Variants in RBBP8NL observed in about 807,000 individuals in gnomAD.
RBBP8NL encodes the protein RBBP8 N-terminal-like protein.
RBBP8NL carries 59 observed loss-of-function variants against 62.2 expected under a neutral mutation model. The observed-to-expected ratio is 0.95, with a 90% CI of 0.77 to 1.18. The LOEUF is 1.18. Ranked by LOEUF, RBBP8NL falls within the 50% of genes most tolerant of loss-of-function variation. The probability of loss-of-function intolerance (pLI) is 0.00; values close to 1 mark genes in which losing one functional copy is unlikely to be tolerated. For synonymous variants in RBBP8NL, 412 were observed against 394.1 expected, an observed-to-expected ratio of 1.05 and a Z score of -0.54; for missense variants, 896 against 899.5, an observed-to-expected ratio of 1.00 and a Z score of 0.05.
At position 62,413,433 on chromosome 20, in the gene RBBP8NL, TG is replaced by T; in HGVS notation, c.1642del (p.His548ThrfsTer19). ...LPPPHPQPPPHPQPPDLDGHP... is the reference protein window; with the variant it reads ...LPPPHPQPPPXPQPPDLDGHP... The stretch of plus-strand genomic sequence containing the variant: ...GCCGTCCAGGTCAGGCGGCTGTGGG[TG>T]GGGAGGCGGCTGTGGGTGGGGAGGT... On this transcript the variant is annotated frameshift_variant, in exon 11 of 14. Transcript: ENST00000252998. LOFTEE classifies it high-confidence loss of function. 1 of 1,458,178 alleles carries T rather than the reference TG, an allele frequency of 6.9e-7. No homozygotes were observed. Among genetic ancestry groups the T allele is most frequent in the South Asian group, 1.6e-5 (1 of 64,006 alleles). 90.3% of individuals were successfully genotyped at this position (1,458,178 alleles called of 1,614,324 possible).
chr20:62,413,293 A>C, intron 11 of RBBP8NL, 108 bp downstream of exon 11: 2 of 1,297,916 alleles, frequency 1.5e-6, no homozygotes, highest in Non-Finnish European at 2.0e-6. Context: ...TCGGCAGGGC[A>C]GAGCTGGGCC....
Position 62,413,995 on chromosome 20 carries a change from G to A in RBBP8NL, c.1356C>T (p.Gly452=), listed in dbSNP as rs950066696. 3.8e-6 allele frequency: 6 copies of A among 1,569,554 alleles called. No homozygotes were observed. The Admixed American group carries it at 7.3e-5, about 19-fold the overall frequency. The change falls in exon 10 of 14, where the codon GGC becomes GGT. Residue 452 remains glycine, a synonymous_variant. Transcript: ENST00000252998. The part of the protein sequence containing the change: ...LDLSEWGRAR[G]QDTPKPAGQH... Reference sequence around the variant, plus strand: ...GGCCGGCCGGCTTGGGAGTGTCCTGGCCCCGGGCCCGGCCCCACTCCGAGA... The same window carrying A: ...GGCCGGCCGGCTTGGGAGTGTCCTGACCCCGGGCCCGGCCCCACTCCGAGA...
rs114579157 is a variant in RBBP8NL, at chr20:62,418,292, C to T, written c.104+131G>A. The T allele has an allele frequency of 7.7e-3, 7,099 of 922,224 alleles. 319 individuals are homozygous for T. The African/African-American group carries it at 0.1, about 13-fold the overall frequency. 57.1% of individuals were successfully genotyped at this position (922,224 alleles called of 1,614,324 possible). A position where few individuals can be genotyped will look rare whatever the true frequency, so the allele number is the denominator to read the frequency against. ...GTGACCTTGGACAAGTGACTCCCCC[C>T]GCCCCCACACTGAGCCTCAGTTTCC... On this transcript the variant is annotated intron_variant, in intron 3 of 13. Coordinates refer to ENST00000252998, the MANE Select transcript of RBBP8NL (RefSeq NM_080833.3).
At chr20:62,415,455 A>G in intron 8 of RBBP8NL, 123 bp downstream of exon 8, 3 of 1,384,716 alleles carry the variant, frequency 2.2e-6, no homozygotes, top group South Asian at 1.2e-5. Flanking sequence ...TGCCCGGGAC[A>G]AAGGAGGGGC....
chr20:62,426,036 GGCAGTGGCAGTGGTAGCAGTA>G (rs1988799074), intron 1 of RBBP8NL, among the ~76,000 whole-genome samples: 3 of 151,152 alleles, frequency 2.0e-5, no homozygotes, highest in Non-Finnish European at 4.4e-5. Flanking sequence ...CATTAGCAGT[GGCAGTGGCAGTGGTAGCAGTA>G]GCAGTGGCAG....
At chr20:62,421,333 C>T (rs1471661265) in intron 1 of RBBP8NL, among the ~76,000 whole-genome samples, 1 of 129,864 alleles carries the variant, frequency 7.7e-6, no homozygotes, top group African/African-American at 3.0e-5. Context: ...GTGTGTGTCC[C>T]ATGTGTGTGC....
At chr20:62,421,535 C>A (rs1042387299) in intron 1 of RBBP8NL, among the ~76,000 whole-genome samples, 1 of 143,492 alleles carries the variant, frequency 7.0e-6, no homozygotes, top group African/African-American at 2.6e-5. Flanking sequence ...TGTGTGTGCA[C>A]ACCCAAGTCA....
At chr20:62,412,333 TCTCCTACG>T (rs1268072091) in intron 13 of RBBP8NL, among the ~76,000 whole-genome samples, 13 of 152,086 alleles carry the variant, frequency 8.5e-5, no homozygotes, top group Non-Finnish European at 1.3e-4. Flanking sequence ...CTCACCGAAA[TCTCCTACG>T]ATCCCTAATG....
rs755614132 is a variant in RBBP8NL at position 62,414,148 on chromosome 20, C to T, written c.1203G>A (p.Gly401=). The T allele has an allele frequency of 6.2e-6, 10 of 1,605,678 alleles. No individual in the cohort carries two copies. Among genetic ancestry groups the T allele is most frequent in the Non-Finnish European group, 7.6e-6 (9 of 1,177,864 alleles). Residue 401 remains glycine, a synonymous_variant, in exon 10 of 14, where the codon GGG becomes GGA. Coordinates refer to ENST00000252998, the MANE Select transcript of RBBP8NL (RefSeq NM_080833.3). ...GSDSEGPENE[G]TRAALAAAGL... ...CTGCTGCGGCCAGAGCTGCCCTGGTCCCCTCATTCTCAGGGCCCTCAGAGT... is the reference window on the plus strand; with the variant it reads ...CTGCTGCGGCCAGAGCTGCCCTGGTTCCCTCATTCTCAGGGCCCTCAGAGT...
At chr20:62,411,147 G>A (rs1988425807) in intron 13 of RBBP8NL, 151 bp from the exon 14 acceptor site, 7 of 649,006 alleles carry the variant, frequency 1.1e-5, no homozygotes, top group South Asian at 1.8e-5. Context: ...TACAGAAACC[G>A]GTGCCCAGAG....
At chr20:62,421,431 C>T (rs111996254) in intron 1 of RBBP8NL, among the ~76,000 whole-genome samples, 3,020 of 116,186 alleles carry the variant, frequency 0.026, 91 homozygotes, top group African/African-American at 0.09. Flanking sequence ...GCCGTGTATG[C>T]GTGATTGCCA....
intron 13 of RBBP8NL, among the ~76,000 whole-genome samples, chr20:62,411,721 C>T (rs984578593): frequency 1.3e-5 from 2 of 152,244 alleles, no homozygotes; most frequent in African/African-American, 4.8e-5. Context: ...CCCCTGCCAG[C>T]GTCCCTGGTC....
rs542246513 is a variant in RBBP8NL, at chr20:62,422,132, G to A, written c.-83-2402C>T. 9.6e-4 allele frequency among the ~76,000 whole-genome samples: 146 copies of A among 152,226 alleles called. 1 individual carries two copies. Among genetic ancestry groups the A allele is most frequent in the Non-Finnish European group, 1.8e-3 (123 of 68,030 alleles). On this transcript the variant is annotated intron_variant, in intron 1 of 13. Transcript: ENST00000252998. ...ACCGCTCTGCTCAAAATCCAACTTC[G>A]GGCTCGCAGCTGGAGGCCATGCCCA...
At chr20:62,418,566 T>C in intron 2 of RBBP8NL, 101 bp from the exon 3 acceptor site, 1 of 1,192,928 alleles carries the variant, frequency 8.4e-7, no homozygotes, top group Non-Finnish European at 1.2e-6. Context: ...GTGGCACTCC[T>C]GTCCCCTGCA....
In RBBP8NL at chr20:62,410,332, T is replaced by C. The variant is rs568144951; in HGVS notation, c.*546A>G. The C allele has an allele frequency of 5.2e-4, 80 of 153,608 alleles. No individual in the cohort carries two copies. The South Asian group carries it at 0.016, about 31-fold the overall frequency. The allele number at this position is 153,608 out of a possible 1,614,324, so 9.5% of individuals were successfully genotyped here. On this transcript the variant is annotated 3_prime_UTR_variant, in exon 14 of 14. Coordinates refer to ENST00000252998, the MANE Select transcript of RBBP8NL (RefSeq NM_080833.3). ...CTCCCTCCACCCTCACTGCCAGACA[T>C]CTGTTTGCTGTCAGCCCACGAGGGG...
chr20:62,423,595 G>C (rs2146446093), intron 1 of RBBP8NL, among the ~76,000 whole-genome samples: 1 of 152,308 alleles, frequency 6.6e-6, no homozygotes, highest in Admixed American at 6.5e-5. Flanking sequence ...CCGCCCAAGG[G>C]AGCCCATGGT....
chr20:62,412,011 T>C (rs541903093), intron 13 of RBBP8NL, among the ~76,000 whole-genome samples: 5 of 152,344 alleles, frequency 3.3e-5, no homozygotes, highest in African/African-American at 9.6e-5. Flanking sequence ...GGAGCTGCCA[T>C]TGAGCCCAGA....
At chr20:62,424,746 C>G (rs1193746774) in intron 1 of RBBP8NL, among the ~76,000 whole-genome samples, 2 of 152,162 alleles carry the variant, frequency 1.3e-5, no homozygotes, top group Non-Finnish European at 2.9e-5. Context: ...CTAAAGGCCC[C>G]CCAGAGCCTG....
chr20:62,418,351 C>G, intron 3 of RBBP8NL, 72 bp downstream of exon 3: 1 of 1,399,890 alleles, frequency 7.1e-7, no homozygotes, highest in Non-Finnish European at 9.9e-7. Flanking sequence ...AGTGCTGGCA[C>G]ACTGGGGCTT....
Sources: gnomAD v4.1 joint callset for allele counts (sites outside exome capture counted in the v4.1 genomes callset) on GRCh38, gnomAD v4.1.1 for gene constraint, MANE v1.5 for transcripts, NCBI Gene and HGNC (gene_info 2026-07-23, HGNC 2026-07-21) for gene names.